Variants in KCTD8 observed in about 807,000 individuals in gnomAD.
The protein encoded by KCTD8 is BTB/POZ domain-containing protein KCTD8.
KCTD8 carries 27 observed loss-of-function variants against 31.5 expected under a neutral mutation model. The ratio of observed to expected loss-of-function variants is 0.86; its 90% CI spans 0.63 to 1.18. The LOEUF is 1.18. KCTD8 is among the 50% of genes most tolerant of loss of function. KCTD8 has a pLI of 0.00. For missense variants in KCTD8, 658 were observed against 647.7 expected (o/e 1.02, Z -0.17); for synonymous variants, 290 against 280.0 (o/e 1.04, Z -0.36).
chr4:44,350,405 G>A (rs543642847), intron 1 of KCTD8, among the ~76,000 whole-genome samples: 1 of 152,046 alleles, frequency 6.6e-6, no homozygotes, highest in African/African-American at 2.4e-5. Flanking sequence ...ACTGTCACAT[G>A]TTCTTTTTAT....
At chr4:44,204,875 A>G (rs1395932429) in intron 1 of KCTD8, among the ~76,000 whole-genome samples, 5 of 152,046 alleles carry the variant, frequency 3.3e-5, no homozygotes, top group Non-Finnish European at 4.4e-5. Context: ...TGGAAAACTC[A>G]TAAGAGAGTT....
intron 1 of KCTD8, among the ~76,000 whole-genome samples, chr4:44,183,274 A>G (rs1415957315): frequency 6.6e-6 from 1 of 152,236 alleles, no homozygotes; most frequent in Non-Finnish European, 1.5e-5. Flanking sequence ...ATACAAAGTA[A>G]ACTATTAGTT....
chr4:44,435,607 G>A (rs1721623530), intron 1 of KCTD8, among the ~76,000 whole-genome samples: 1 of 152,048 alleles, frequency 6.6e-6, no homozygotes, highest in Non-Finnish European at 1.5e-5. Flanking sequence ...ACATTAATAC[G>A]TAAAGAAATG....
At chr4:44,403,972 G>T (rs755946439) in intron 1 of KCTD8, among the ~76,000 whole-genome samples, 1 of 151,260 alleles carries the variant, frequency 6.6e-6, no homozygotes, top group Admixed American at 6.6e-5. Flanking sequence ...AACCACCTTC[G>T]TACTTAATTT....
At chr4:44,397,484 C>T (rs1285538602) in intron 1 of KCTD8, among the ~76,000 whole-genome samples, 1 of 151,932 alleles carries the variant, frequency 6.6e-6, no homozygotes, top group Non-Finnish European at 1.5e-5. Context: ...CTGGCACATA[C>T]ACATATAAAC....
intron 1 of KCTD8, among the ~76,000 whole-genome samples, chr4:44,348,077 T>A (rs1232249436): frequency 6.6e-6 from 1 of 152,074 alleles, no homozygotes; most frequent in Non-Finnish European, 1.5e-5. Context: ...TCCTAATGAG[T>A]GTATCTAGCT....
chr4:44,423,271 T>A (rs1023994279), intron 1 of KCTD8, among the ~76,000 whole-genome samples: 1 of 152,110 alleles, frequency 6.6e-6, no homozygotes, highest in East Asian at 1.9e-4. Flanking sequence ...TAAAGTAGAC[T>A]CATTTATTTT....
At chr4:44,288,941 A>G (rs1270793132) in intron 1 of KCTD8, among the ~76,000 whole-genome samples, 1 of 151,254 alleles carries the variant, frequency 6.6e-6, no homozygotes, top group Non-Finnish European at 1.5e-5. Context: ...ATTTTTTTCT[A>G]TAAAAACAAT....
At chr4:44,405,692 T>C (rs926477398) in intron 1 of KCTD8, among the ~76,000 whole-genome samples, 1 of 152,046 alleles carries the variant, frequency 6.6e-6, no homozygotes, top group East Asian at 1.9e-4. Flanking sequence ...ACCAAGAAAA[T>C]TGTGTTATCC....
intron 1 of KCTD8, among the ~76,000 whole-genome samples, chr4:44,393,807 A>G (rs1720430898): frequency 1.3e-5 from 2 of 151,960 alleles, no homozygotes; most frequent in South Asian, 4.1e-4. Flanking sequence ...ATAAACATTT[A>G]CAGAGCATCT....
At chr4:44,319,091 A>C (rs2109404769) in intron 1 of KCTD8, among the ~76,000 whole-genome samples, 1 of 152,322 alleles carries the variant, frequency 6.6e-6, no homozygotes, top group South Asian at 2.1e-4. Flanking sequence ...TGAAGTACAA[A>C]GAGTATGTTA....
intron 1 of KCTD8, among the ~76,000 whole-genome samples, chr4:44,219,348 A>G (rs1714740519): frequency 1.3e-5 from 2 of 152,232 alleles, no homozygotes; most frequent in South Asian, 4.1e-4. Context: ...TGTACCTGAC[A>G]ATGTGATCTT....
rs75698235 is a variant in KCTD8 at position 44,190,734 on chromosome 4, C to T, written c.962-15484G>A. On this transcript the variant is annotated intron_variant, in intron 1 of 1. Coordinates refer to ENST00000360029, the MANE Select transcript of KCTD8 (RefSeq NM_198353.3). Reference sequence around the variant, plus strand: ...AGATATGACTGTAGGGGACTAAGTCCCCCAATCCCAACTACAGTAGGGGAG... The same window carrying T: ...AGATATGACTGTAGGGGACTAAGTCTCCCAATCCCAACTACAGTAGGGGAG... 5.3e-3 allele frequency among the ~76,000 whole-genome samples: 802 copies of T among 152,258 alleles called. 27 individuals carry two copies. The South Asian group carries it at 0.075, about 14-fold the overall frequency.
intron 1 of KCTD8, among the ~76,000 whole-genome samples, chr4:44,349,622 G>T (rs1719147611): frequency 6.6e-6 from 1 of 152,118 alleles, no homozygotes; most frequent in African/African-American, 2.4e-5. Context: ...AGAAGGGAGA[G>T]CTAAGAGGTG....
chr4:44,435,807 C>A (rs536373227), intron 1 of KCTD8, among the ~76,000 whole-genome samples: 1 of 152,062 alleles, frequency 6.6e-6, no homozygotes, highest in Admixed American at 6.6e-5. Context: ...TAGGTGGCTA[C>A]AAACCAAATT....
chr4:44,213,832 G>A (rs1409942203), intron 1 of KCTD8, among the ~76,000 whole-genome samples: 2 of 152,112 alleles, frequency 1.3e-5, no homozygotes, highest in Non-Finnish European at 2.9e-5. Context: ...TCCTTAAAGT[G>A]TGGCATACTG....
chr4:44,351,339 C>T (rs999741799), intron 1 of KCTD8, among the ~76,000 whole-genome samples: 29 of 152,058 alleles, frequency 1.9e-4, no homozygotes, highest in African/African-American at 7.0e-4. Context: ...ATTTTCACCA[C>T]AGGACTCAAA....
chr4:44,259,143 A>T (rs1716087279), intron 1 of KCTD8, among the ~76,000 whole-genome samples: 1 of 151,420 alleles, frequency 6.6e-6, no homozygotes, highest in African/African-American at 2.4e-5. Context: ...TCAGCTAAAG[A>T]CTCCATTCTT....
intron 1 of KCTD8, among the ~76,000 whole-genome samples, chr4:44,437,727 C>T (rs182832378): frequency 2.7e-4 from 41 of 152,206 alleles, no homozygotes; most frequent in African/African-American, 9.9e-4. Context: ...TATGGCACTA[C>T]ATGGAGATAA....
Sources: allele counts gnomAD v4.1 joint callset (sites outside exome capture counted in the v4.1 genomes callset), GRCh38; gene constraint gnomAD v4.1.1; transcripts MANE v1.5; gene names NCBI Gene and HGNC (gene_info 2026-07-23, HGNC 2026-07-21).